The following KATNIP variants were observed in gnomAD, a reference collection of about 807,000 sequenced individuals.
KATNIP encodes the protein katanin-interacting protein.
A neutral mutation model predicts 174.0 loss-of-function variants in KATNIP; 126 were observed. That is an observed-to-expected ratio of 0.72 (90% CI 0.63 to 0.84). The LOEUF (loss-of-function observed/expected upper bound fraction) is 0.84. Ranked by LOEUF, KATNIP falls within the 40% of genes least tolerant of loss-of-function variation. The pLI is 0.00. For missense variants in KATNIP, 1,958 were observed against 2,109.7 expected, an observed-to-expected ratio of 0.93 and a Z score of 1.41; for synonymous variants, 810 against 835.7, an observed-to-expected ratio of 0.97 and a Z score of 0.53.
intron 8 of KATNIP, among the ~76,000 whole-genome samples, chr16:27,690,954 GA>G (rs2078709901): frequency 6.6e-6 from 1 of 151,342 alleles, no homozygotes; most frequent in Non-Finnish European, 1.5e-5. Context: ...CTTTTTTTTT[GA>G]GCTTGGCATC....
In KATNIP at chr16:27,637,588, G is replaced by A. The variant is rs778810262; in HGVS notation, c.408+6426G>A. Among the ~76,000 whole-genome samples the A allele has an allele frequency of 3.3e-5, 5 of 152,160 alleles. No homozygotes were observed. The highest frequency in any genetic ancestry group is 1.9e-4 in the East Asian group (1 of 5,170). ...CTGAGAGTTACCTGGAGCCAGCCCCGGAAAGATCTGTGGCTGGGGGAGGCT... is the reference window on the plus strand; with the variant it reads ...CTGAGAGTTACCTGGAGCCAGCCCCAGAAAGATCTGTGGCTGGGGGAGGCT... On this transcript the variant is annotated intron_variant, in intron 5 of 27. Transcript: ENST00000261588. The surrounding 1 kb of genome is among the most constrained non-coding windows in gnomAD (Gnocchi z 4.7).
At chr16:27,574,355 G>C (rs1013721775) in intron 2 of KATNIP, 1 of 214,370 alleles carries the variant, frequency 4.7e-6, no homozygotes, top group Non-Finnish European at 9.5e-6. Flanking sequence ...TGTGTCGACT[G>C]GGGGGTAGTT....
intron 14 of KATNIP, among the ~76,000 whole-genome samples, chr16:27,737,941 G>A (rs2080957905): frequency 6.6e-6 from 1 of 152,168 alleles, no homozygotes; most frequent in African/African-American, 2.4e-5. Context: ...GGGCCAGGTG[G>A]GTTCCATGTG....
At chr16:27,763,948 A>G (rs2082041783) in intron 19 of KATNIP, among the ~76,000 whole-genome samples, 1 of 152,154 alleles carries the variant, frequency 6.6e-6, no homozygotes, top group South Asian at 2.1e-4. Context: ...TTAGATCTAG[A>G]GGCCTGATCA....
At chr16:27,598,688 C>A (rs1231647963) in intron 2 of KATNIP, among the ~76,000 whole-genome samples, 1 of 152,196 alleles carries the variant, frequency 6.6e-6, no homozygotes, top group East Asian at 1.9e-4. Flanking sequence ...TAAGGCTCAG[C>A]CTGCCCTGGG....
intron 13 of KATNIP, 121 bp from the exon 14 acceptor site, chr16:27,721,437 G>A (rs1284506411): frequency 8.4e-7 from 1 of 1,191,414 alleles, no homozygotes; most frequent in South Asian, 1.3e-5. Flanking sequence ...TGGCCTGGCT[G>A]TCTGCCCTGA....
intron 2 of KATNIP, among the ~76,000 whole-genome samples, chr16:27,610,739 A>G (rs528415127): frequency 6.6e-6 from 1 of 152,316 alleles, no homozygotes; most frequent in Non-Finnish European, 1.5e-5. Flanking sequence ...GATGCCCCCA[A>G]ATCACTAAAC....
chr16:27,583,204 A>G (rs930535766), intron 2 of KATNIP, among the ~76,000 whole-genome samples: 7 of 152,226 alleles, frequency 4.6e-5, no homozygotes, highest in African/African-American at 7.2e-5. Flanking sequence ...GCACAAGATT[A>G]AACTCTAGGA....
chr16:27,665,755 C>A (rs1002125145), intron 6 of KATNIP, among the ~76,000 whole-genome samples: 2 of 151,776 alleles, frequency 1.3e-5, no homozygotes, highest in African/African-American at 4.8e-5. Flanking sequence ...CGTGTGCCAC[C>A]ACGCCCGGCT....
intron 14 of KATNIP, among the ~76,000 whole-genome samples, chr16:27,734,395 TA>T (rs34449454): frequency 0.22 from 24,490 of 113,770 alleles, 2,416 homozygotes; most frequent in African/African-American, 0.27. Context: ...GGGACTTATT[TA>T]AAAAAAAAAA....
chr16:27,769,454 C>T (rs777937825), intron 20 of KATNIP, among the ~76,000 whole-genome samples: 1 of 152,314 alleles, frequency 6.6e-6, no homozygotes, highest in South Asian at 2.1e-4. Context: ...AACTCATGAC[C>T]GTGCCCATTT....
intron 2 of KATNIP, among the ~76,000 whole-genome samples, chr16:27,594,420 GACCCACCTTGTGTC>G (rs1252940016): frequency 6.6e-6 from 1 of 152,022 alleles, no homozygotes; most frequent in Admixed American, 6.6e-5. Context: ...AGAGCCCAGG[GACCCACCTTGTGTC>G]ACCTACCATG....
intron 18 of KATNIP, among the ~76,000 whole-genome samples, chr16:27,758,796 C>G (rs78993604): frequency 0.1 from 15,813 of 152,206 alleles, 912 homozygotes; most frequent in Non-Finnish European, 0.12. Flanking sequence ...CATATTCAGT[C>G]ACTCCCTATC....
chr16:27,701,673 A>G lies in KATNIP; in HGVS notation c.1264A>G (p.Arg422Gly). Reference sequence around the variant, plus strand: ...CAGGGCCATCAACCAGGCCATGGACAGAATTGGGCTTCTGGGAAGCAGGTA... The same window carrying G: ...CAGGGCCATCAACCAGGCCATGGACGGAATTGGGCTTCTGGGAAGCAGGTA... ...GARAINQAMDRIGLLGSRQQQ... is the reference protein window; with the variant it reads ...GARAINQAMDGIGLLGSRQQQ... The change falls in exon 11 of 28, where the codon AGA (arginine) becomes GGA (glycine). Residue 422 changes from arginine to glycine, a missense_variant. Physicochemically the swap from Arg to Gly is moderately radical, Grantham distance 125. Coordinates refer to ENST00000261588, the MANE Select transcript of KATNIP (RefSeq NM_015202.5). The G allele has an allele frequency of 6.2e-7, 1 of 1,605,490 alleles. No individual in the cohort carries two copies. Among genetic ancestry groups the G allele is most frequent in the Non-Finnish European group, 8.5e-7 (1 of 1,176,392 alleles).
intron 3 of KATNIP, among the ~76,000 whole-genome samples, chr16:27,619,887 G>A (rs147471360): frequency 1.1e-4 from 16 of 152,264 alleles, no homozygotes; most frequent in African/African-American, 3.6e-4. Flanking sequence ...GAAGGCTTGT[G>A]CTGATTAGAC....
chr16:27,696,030 G>A (rs1385922802), intron 8 of KATNIP, among the ~76,000 whole-genome samples: 1 of 152,092 alleles, frequency 6.6e-6, no homozygotes, highest in Non-Finnish European at 1.5e-5. Context: ...TGTTGGGTGG[G>A]TGTACCATAA....
intron 13 of KATNIP, among the ~76,000 whole-genome samples, chr16:27,714,846 A>G (rs553515980): frequency 1.3e-5 from 2 of 152,336 alleles, no homozygotes; most frequent in East Asian, 3.9e-4. Flanking sequence ...ATGGATCAGA[A>G]GACAACATTG....
At chr16:27,558,793 C>G (rs148865070) in intron 1 of KATNIP, among the ~76,000 whole-genome samples, 2 of 152,302 alleles carry the variant, frequency 1.3e-5, no homozygotes, top group Admixed American at 6.5e-5. Context: ...CGTGGCAGAT[C>G]TGATTTGATT....
intron 8 of KATNIP, among the ~76,000 whole-genome samples, chr16:27,689,005 A>G (rs2078621818): frequency 6.6e-6 from 1 of 152,204 alleles, no homozygotes; most frequent in Non-Finnish European, 1.5e-5. Context: ...GGTCATAGCC[A>G]CCCAAAAGGC....
Sources: allele counts gnomAD v4.1 joint callset (sites outside exome capture counted in the v4.1 genomes callset), GRCh38; gene constraint gnomAD v4.1.1; non-coding constraint Gnocchi (gnomAD v3.1); transcripts MANE v1.5; gene names NCBI Gene and HGNC (gene_info 2026-07-23, HGNC 2026-07-21).